ERCC6L2: variants seen among roughly 807,000 people sequenced by gnomAD.
ERCC6L2 encodes the protein ERCC excision repair 6 like 2.
ERCC6L2 carries 77 observed loss-of-function variants against 132.0 expected under a neutral mutation model. That is an observed-to-expected ratio of 0.58 (90% CI 0.49 to 0.71). The LOEUF is 0.71. ERCC6L2 is among the 30% of genes least tolerant of loss of function. ERCC6L2 has a pLI of 0.00. For synonymous variants in ERCC6L2, 583 were observed against 632.4 expected (o/e 0.92, Z 1.17); for missense variants, 1,542 against 1,837.6 (o/e 0.84, Z 2.94).
Position 96,013,143 on chromosome 9 carries a change from G to T in ERCC6L2, c.4593G>T (p.Trp1531Cys). The T allele has an allele frequency of 7.3e-7, 1 of 1,367,138 alleles. No individual in the cohort carries two copies. The highest frequency in any genetic ancestry group is 2.1e-4 in the Middle Eastern group (1 of 4,760). The allele number at this position is 1,367,138 out of a possible 1,614,324, so 84.7% of individuals were successfully genotyped here. A position where few individuals can be genotyped will look rare whatever the true frequency, so the allele number is the denominator to read the frequency against. Reference protein sequence around the residue: ...SLWKSNEKFLWKKFSPSDTDE... With the variant: ...SLWKSNEKFLCKKFSPSDTDE... ...GGAAATCAAATGAGAAATTTTTATG[G>T]AAGAAATTTAGCCCAAGTGATACAG... The change falls in exon 19 of 19, where the codon TGG becomes TGT. Residue 1531 changes from tryptophan to cysteine, a missense_variant. Coordinates refer to ENST00000653738, the MANE Select transcript of ERCC6L2 (RefSeq NM_020207.7).
chr9:95,876,113 A>T (rs371959202), intron 1 of ERCC6L2, 29 bp downstream of exon 1: 2 of 1,552,500 alleles, frequency 1.3e-6, no homozygotes, highest in Non-Finnish European at 1.7e-6. Context: ...CCCCTTACGC[A>T]GAGGCCTGTG....
At chr9:95,998,851 C>T (rs1833557967) in intron 17 of ERCC6L2, among the ~76,000 whole-genome samples, 1 of 152,136 alleles carries the variant, frequency 6.6e-6, no homozygotes, top group African/African-American at 2.4e-5. Context: ...AGTACACTGC[C>T]CCCAACCCAT....
intron 16 of ERCC6L2, among the ~76,000 whole-genome samples, chr9:95,974,130 A>G (rs1400638766): frequency 6.6e-6 from 1 of 152,142 alleles, no homozygotes; most frequent in South Asian, 2.1e-4. Context: ...CTTAATACCT[A>G]TACTTATTTA....
chr9:95,964,968 T>C (rs1404711345), intron 13 of ERCC6L2, among the ~76,000 whole-genome samples: 5 of 152,216 alleles, frequency 3.3e-5, no homozygotes, highest in African/African-American at 1.2e-4. Context: ...TCCTGCAGTC[T>C]GACAATATCA....
chr9:95,976,469 C>G (rs1832676774), intron 16 of ERCC6L2, among the ~76,000 whole-genome samples: 1 of 152,256 alleles, frequency 6.6e-6, no homozygotes, highest in Non-Finnish European at 1.5e-5. Context: ...CTCCAGCTGG[C>G]CCCTTGTGCT....
intron 13 of ERCC6L2, 31 bp downstream of exon 13, chr9:95,956,044 G>T: frequency 7.5e-7 from 1 of 1,337,570 alleles, no homozygotes; most frequent in Non-Finnish European, 1.0e-6. Flanking sequence ...CTGTTTCAGA[G>T]GTCAACATTT....
intron 2 of ERCC6L2, 75 bp downstream of exon 2, chr9:95,881,368 G>C: frequency 1.7e-6 from 2 of 1,160,812 alleles, no homozygotes; most frequent in African/African-American, 1.5e-5. Flanking sequence ...ATCTTTATTT[G>C]TACTGCTGTT....
downstream of ERCC6L2, chr9:96,020,429 C>T (rs1338390859): frequency 3.4e-6 from 1 of 294,262 alleles, no homozygotes; most frequent in African/African-American, 2.2e-5. Flanking sequence ...GCAGGTCATC[C>T]CAAGGACAGC....
At chr9:96,003,556 T>A (rs1390277916) in intron 17 of ERCC6L2, among the ~76,000 whole-genome samples, 1 of 152,196 alleles carries the variant, frequency 6.6e-6, no homozygotes, top group Non-Finnish European at 1.5e-5. Context: ...CATTCCTGTT[T>A]TGTGTTTCTT....
intron 17 of ERCC6L2, among the ~76,000 whole-genome samples, chr9:95,978,837 TA>T (rs1832778178): frequency 6.6e-6 from 1 of 152,198 alleles, no homozygotes; most frequent in South Asian, 2.1e-4. Context: ...ACTATTACTT[TA>T]TGGGCAAGAG....
chr9:95,994,731 A>G (rs1350393201), intron 17 of ERCC6L2, among the ~76,000 whole-genome samples: 1 of 152,194 alleles, frequency 6.6e-6, no homozygotes, highest in Non-Finnish European at 1.5e-5. Flanking sequence ...AGAGATTTAG[A>G]AAGATGCAGA....
chr9:96,039,853 C>T (rs926644280), intron 20 of ERCC6L2, among the ~76,000 whole-genome samples: 39 of 152,084 alleles, frequency 2.6e-4, no homozygotes, highest in South Asian at 8.3e-4. Context: ...GACAGGCAAG[C>T]GGCAGGGCTG....
intron 17 of ERCC6L2, among the ~76,000 whole-genome samples, chr9:96,002,069 A>G (rs1833704037): frequency 1.3e-5 from 2 of 152,330 alleles, no homozygotes; most frequent in South Asian, 2.1e-4. Context: ...CACAAGCGCC[A>G]CACACAGCCC....
At chr9:95,877,758 A>G (rs148252077) in intron 1 of ERCC6L2, among the ~76,000 whole-genome samples, 136 of 151,964 alleles carry the variant, frequency 8.9e-4, no homozygotes, top group African/African-American at 1.8e-3. Context: ...GTGAGCTATA[A>G]TTGTGCCATG....
In ERCC6L2 at chr9:96,003,234, T is replaced by G. The variant is rs2133199277; in HGVS notation, c.3493-1286T>G. Among the ~76,000 whole-genome samples the G allele has an allele frequency of 1.3e-5, 2 of 152,370 alleles. 1 individual carries two copies. The highest frequency in any genetic ancestry group is 4.1e-4 in the South Asian group (2 of 4,826). On this transcript the variant is annotated intron_variant, in intron 17 of 18. Coordinates refer to ENST00000653738, the MANE Select transcript of ERCC6L2 (RefSeq NM_020207.7). ...TTTTATATGCTCTTCATAATTTTTGTCTGAACTCCTTCTGTTTTCATTGGA... is the reference window on the plus strand; with the variant it reads ...TTTTATATGCTCTTCATAATTTTTGGCTGAACTCCTTCTGTTTTCATTGGA...
chr9:95,942,760 A>C (rs568009956), intron 12 of ERCC6L2, among the ~76,000 whole-genome samples: 17 of 152,300 alleles, frequency 1.1e-4, no homozygotes, highest in African/African-American at 4.1e-4. Flanking sequence ...TGATTGGAGA[A>C]AATTGTTATT....
intron 2 of ERCC6L2, among the ~76,000 whole-genome samples, chr9:95,883,900 G>A (rs565311514): frequency 6.6e-6 from 1 of 152,246 alleles, no homozygotes; most frequent in East Asian, 1.9e-4. Flanking sequence ...CATACAAAAA[G>A]TGATCTGTTT....
intron 17 of ERCC6L2, 117 bp downstream of exon 17, chr9:95,978,332 A>G (rs1183385632): frequency 1.9e-6 from 1 of 537,460 alleles, no homozygotes; most frequent in Non-Finnish European, 2.7e-6. Flanking sequence ...TAAGTGACAT[A>G]CAAATAAGTG....
intron 19 of ERCC6L2, among the ~76,000 whole-genome samples, chr9:96,030,801 G>A (rs73654817): frequency 0.065 from 9,852 of 151,860 alleles, 1,067 homozygotes; most frequent in African/African-American, 0.23. Flanking sequence ...GACAAACCAG[G>A]ACAACTGGGG....
Sources: allele counts gnomAD v4.1 joint callset (sites outside exome capture counted in the v4.1 genomes callset), GRCh38; gene constraint gnomAD v4.1.1; transcripts MANE v1.5; gene names NCBI Gene and HGNC (gene_info 2026-07-23, HGNC 2026-07-21).